Variants in RALY observed in about 807,000 individuals in gnomAD.
RALY encodes RNA-binding protein Raly.
RALY carries 15 observed loss-of-function variants against 30.7 expected under a neutral mutation model. That is an observed-to-expected ratio of 0.49 (90% CI 0.33 to 0.75). The LOEUF is 0.75. Ranked by LOEUF, RALY falls within the 30% of genes least tolerant of loss-of-function variation. The pLI is 0.02. For synonymous variants in RALY, 177 were observed against 170.8 expected (o/e 1.04, Z -0.28); for missense variants, 339 against 414.3 (o/e 0.82, Z 1.58).
chr20:34,025,900 T>G (rs28504465), intron 1 of RALY, among the ~76,000 whole-genome samples: 3 of 16,324 alleles, frequency 1.8e-4, no homozygotes, highest in Admixed American at 6.3e-4. Flanking sequence ...TTCCTGGTTG[T>G]TTTTTTTTTT....
At chr20:34,039,199 A>G (rs1243900320) in intron 2 of RALY, among the ~76,000 whole-genome samples, 1 of 152,222 alleles carries the variant, frequency 6.6e-6, no homozygotes, top group East Asian at 1.9e-4. Context: ...AAAAGCCGCT[A>G]TCTATAGTAA....
At chr20:34,007,730 G>A (rs2031222197) in intron 1 of RALY, among the ~76,000 whole-genome samples, 1 of 145,086 alleles carries the variant, frequency 6.9e-6, no homozygotes, top group African/African-American at 2.5e-5. Flanking sequence ...TGAGGCAGGA[G>A]AATCACTTGA....
At chr20:34,039,688 C>A (rs2081992868) in intron 2 of RALY, among the ~76,000 whole-genome samples, 1 of 152,168 alleles carries the variant, frequency 6.6e-6, no homozygotes, top group African/African-American at 2.4e-5. Context: ...TTCACCTGAT[C>A]CTACTCCCTC....
intron 8 of RALY, among the ~76,000 whole-genome samples, chr20:34,078,263 C>T (rs920725093): frequency 3.9e-5 from 6 of 152,248 alleles, no homozygotes; most frequent in African/African-American, 9.6e-5. Flanking sequence ...AGAAATGGGG[C>T]TCCTGCCACT....
chr20:34,076,316 C>T, intron 6 of RALY: 1 of 530,526 alleles, frequency 1.9e-6, no homozygotes, highest in South Asian at 2.2e-5. Context: ...ACAGGTCTAC[C>T]CAGGCCCATT....
intron 1 of RALY, among the ~76,000 whole-genome samples, chr20:34,015,686 G>A (rs2052510663): frequency 6.6e-6 from 1 of 152,058 alleles, no homozygotes; most frequent in African/African-American, 2.4e-5. Context: ...TCTGCAGATA[G>A]GTTTGCCCTT....
At chr20:34,022,990 A>G (rs1191787663) in intron 1 of RALY, among the ~76,000 whole-genome samples, 1 of 152,040 alleles carries the variant, frequency 6.6e-6, no homozygotes, top group Non-Finnish European at 1.5e-5. Context: ...ATCTGTTTTT[A>G]TTGGTAGAGT....
intron 2 of RALY, chr20:34,064,942 T>C (rs960189939): frequency 6.6e-6 from 1 of 152,190 alleles, no homozygotes; most frequent in African/African-American, 2.4e-5. Context: ...GTGATAGGTC[T>C]CGGATTGGAA....
At chr20:34,004,240 T>G (rs2031058953) in intron 1 of RALY, among the ~76,000 whole-genome samples, 1 of 152,210 alleles carries the variant, frequency 6.6e-6, no homozygotes. Flanking sequence ...TGTGCTGGAC[T>G]TTGTAGGATA....
chr20:34,009,495 C>G (rs1181974921), intron 1 of RALY, among the ~76,000 whole-genome samples: 3 of 152,102 alleles, frequency 2.0e-5, no homozygotes, highest in Non-Finnish European at 2.9e-5. Context: ...TTCAGCCTCC[C>G]AAAGTGCCAG....
intron 1 of RALY, among the ~76,000 whole-genome samples, chr20:34,004,491 A>G (rs1461120565): frequency 1.3e-5 from 2 of 152,212 alleles, no homozygotes; most frequent in Non-Finnish European, 2.9e-5. Flanking sequence ...CAATGGGAAC[A>G]ACTTGAGTAG....
chr20:34,040,953 T>G (rs2123133586), intron 2 of RALY, among the ~76,000 whole-genome samples: 1 of 152,290 alleles, frequency 6.6e-6, no homozygotes, highest in South Asian at 2.1e-4. Context: ...AATAGGCGTT[T>G]GGTGCCCTGA....
At chr20:34,070,153 A>G (rs2033686378) in intron 2 of RALY, among the ~76,000 whole-genome samples, 1 of 152,206 alleles carries the variant, frequency 6.6e-6, no homozygotes, top group Non-Finnish European at 1.5e-5. Flanking sequence ...CCCCCAAAAT[A>G]TTAGGTAAAT....
chr20:34,040,823 A>C (rs1156849224), intron 2 of RALY, among the ~76,000 whole-genome samples: 1 of 152,226 alleles, frequency 6.6e-6, no homozygotes, highest in African/African-American at 2.4e-5. Context: ...CTAGAGTTTG[A>C]ACTGAGTCCT....
At chr20:34,043,185 C>T (rs561463973) in intron 2 of RALY, among the ~76,000 whole-genome samples, 1 of 152,186 alleles carries the variant, frequency 6.6e-6, no homozygotes, top group Admixed American at 6.5e-5. Flanking sequence ...CCTAGACTTG[C>T]TTCTTTTTCT....
chr20:34,076,637 G>A, intron 6 of RALY, 65 bp from the exon 7 acceptor site: 2 of 1,358,208 alleles, frequency 1.5e-6, no homozygotes, highest in Non-Finnish European at 2.1e-6. Context: ...ACAGGGCTGA[G>A]GTTTTGTGCT....
At chr20:34,002,994 G>T (rs755092015) in intron 1 of RALY, among the ~76,000 whole-genome samples, 4 of 152,098 alleles carry the variant, frequency 2.6e-5, no homozygotes, top group Non-Finnish European at 5.9e-5. Flanking sequence ...ATTGTAGTTC[G>T]TGAAGCCCAT....
intron 1 of RALY, among the ~76,000 whole-genome samples, chr20:34,019,977 C>G (rs937720515): frequency 5.3e-5 from 8 of 151,980 alleles, no homozygotes; most frequent in Non-Finnish European, 1.0e-4. Flanking sequence ...AGGAGAATGG[C>G]GTGAACCCGG....
chr20:34,072,303 G>A lies in RALY; in HGVS notation c.229G>A (p.Gly77Arg). Residue 77 changes from glycine (G) to arginine (R), a missense_variant, in exon 3 of 10, where the codon GGG becomes AGG. Gly to Arg is a moderately radical substitution (Grantham distance 125, BLOSUM62 -2). This residue lies in a region of RALY where 71 missense variants were observed against 133.7 expected (regional missense o/e 0.53). Coordinates refer to ENST00000246194, the MANE Select transcript of RALY (RefSeq NM_016732.3). Reference sequence around the variant, plus strand: ...CCGGGCAGCTGTGCTGGGAGAGAATGGGCGGGTGCTGGCCGGGCAGACCCT... The same window carrying A: ...CCGGGCAGCTGTGCTGGGAGAGAATAGGCGGGTGCTGGCCGGGCAGACCCT... ...HARAAVLGEN[G>R]RVLAGQTLDI... 1 of 1,613,568 alleles carries A rather than the reference G, an allele frequency of 6.2e-7. No homozygotes were observed. The highest frequency in any genetic ancestry group is 8.5e-7 in the Non-Finnish European group (1 of 1,180,026).
Sources: allele counts gnomAD v4.1 joint callset (sites outside exome capture counted in the v4.1 genomes callset), GRCh38; gene constraint gnomAD v4.1.1; regional missense constraint gnomAD v4.1.1; transcripts MANE v1.5; gene names NCBI Gene and HGNC (gene_info 2026-07-23, HGNC 2026-07-21).